Variants in PTPRO observed in about 807,000 individuals in gnomAD.
PTPRO encodes the protein receptor-type tyrosine-protein phosphatase O.
Under a neutral mutation model 145.2 loss-of-function variants are expected in PTPRO, and 62 were observed. That is an observed-to-expected ratio of 0.43 (90% CI 0.35 to 0.53). The LOEUF is 0.53. PTPRO is among the 20% of genes least tolerant of loss of function. The pLI is 0.01. For missense variants in PTPRO, 1,345 were observed against 1,482.7 expected (o/e 0.91, Z 1.53); for synonymous variants, 565 against 514.7 (o/e 1.10, Z -1.32).
intron 1 of PTPRO, among the ~76,000 whole-genome samples, chr12:15,362,091 C>T (rs1437606823): frequency 4.6e-5 from 7 of 152,244 alleles, no homozygotes; most frequent in Admixed American, 6.5e-5. Context: ...CAAACTCCTC[C>T]GGTATTGCAT....
rs369279574 is a variant in PTPRO at position 15,503,881 on chromosome 12, A to G, written c.1106-27A>G. The G allele has an allele frequency of 7.8e-6, 12 of 1,535,242 alleles. No homozygotes were observed. In the African/African-American group the frequency reaches 1.4e-4, roughly 18 times the overall value. On this transcript the variant is annotated intron_variant, in intron 5 of 26. Transcript: ENST00000281171. ...GGCCTTTCCAGGTGTCTATTCATGT[A>G]TCTTCTCTTTTTTATATATGATTTA...
intron 1 of PTPRO, among the ~76,000 whole-genome samples, chr12:15,458,497 A>G (rs1195887166): frequency 1.3e-5 from 2 of 151,884 alleles, no homozygotes; most frequent in East Asian, 1.9e-4. Flanking sequence ...ATGGTGCCCT[A>G]TAAGTCCCTT....
At position 15,388,035 on chromosome 12, in the gene PTPRO, T is replaced by C. The variant is rs560081641; in HGVS notation, c.75+65234T>C. ...GAAAGTAAAAAGAGATCCACCTAGT[T>C]ATAAACAATGCTCATTATAGAACAA... On this transcript the variant is annotated intron_variant, in intron 1 of 26. Transcript: ENST00000281171. 2.0e-5 allele frequency among the ~76,000 whole-genome samples: 3 copies of C among 152,266 alleles called. No homozygotes were observed. The East Asian group carries it at 5.8e-4, about 29-fold the overall frequency.
At chr12:15,393,967 C>T (rs1021356567) in intron 1 of PTPRO, among the ~76,000 whole-genome samples, 3 of 152,114 alleles carry the variant, frequency 2.0e-5, no homozygotes, top group African/African-American at 7.2e-5. Context: ...GAAAGAGGGC[C>T]TATCTGGCTT....
At chr12:15,498,277 G>A (rs1942148413) in intron 3 of PTPRO, among the ~76,000 whole-genome samples, 1 of 152,190 alleles carries the variant, frequency 6.6e-6, no homozygotes, top group Non-Finnish European at 1.5e-5. Flanking sequence ...CAGTGGGGCT[G>A]GGAGTGGTGG....
chr12:15,439,790 G>T, intron 1 of PTPRO: 9 of 609,614 alleles, frequency 1.5e-5, no homozygotes, highest in Non-Finnish European at 2.5e-5. Context: ...GCCCATCAAA[G>T]AATCAGATAT....
At chr12:15,369,162 T>A (rs1165940773) in intron 1 of PTPRO, among the ~76,000 whole-genome samples, 3 of 151,758 alleles carry the variant, frequency 2.0e-5, no homozygotes, top group African/African-American at 4.8e-5. Flanking sequence ...AACTAAAATT[T>A]AAAAAAAACG....
At chr12:15,384,657 T>G (rs1350277473) in intron 1 of PTPRO, among the ~76,000 whole-genome samples, 4 of 152,188 alleles carry the variant, frequency 2.6e-5, no homozygotes, top group African/African-American at 9.6e-5. Context: ...GCCGTTACAT[T>G]GGGGGTTAGG....
intron 2 of PTPRO, among the ~76,000 whole-genome samples, chr12:15,493,900 A>G (rs1942049866): frequency 6.6e-6 from 1 of 152,196 alleles, no homozygotes; most frequent in African/African-American, 2.4e-5. Flanking sequence ...TATATTGTGT[A>G]GGTTATATAG....
chr12:15,419,735 GT>G (rs71042248), intron 1 of PTPRO, among the ~76,000 whole-genome samples: 21 of 148,606 alleles, frequency 1.4e-4, no homozygotes, highest in Middle Eastern at 7.0e-3. Flanking sequence ...GTTCTTTGGT[GT>G]TTTTTTTTTC....
intron 1 of PTPRO, among the ~76,000 whole-genome samples, chr12:15,357,690 C>T (rs1261588328): frequency 2.0e-5 from 3 of 151,460 alleles, no homozygotes; most frequent in East Asian, 3.9e-4. Context: ...AGTGAGATAC[C>T]ATCTCACACC....
At chr12:15,474,098 T>C (rs1266456470) in intron 1 of PTPRO, among the ~76,000 whole-genome samples, 3 of 152,116 alleles carry the variant, frequency 2.0e-5, no homozygotes, top group Admixed American at 6.6e-5. Context: ...AGATAATAAC[T>C]CTTGTTTCTA....
intron 4 of PTPRO, among the ~76,000 whole-genome samples, chr12:15,500,709 G>A (rs1000009567): frequency 1.3e-5 from 2 of 152,212 alleles, no homozygotes; most frequent in African/African-American, 2.4e-5. Context: ...ATCACCTGAG[G>A]TCAGGAGTTT....
At chr12:15,583,947 G>A (rs943621114) in intron 23 of PTPRO, among the ~76,000 whole-genome samples, 1 of 152,198 alleles carries the variant, frequency 6.6e-6, no homozygotes, top group African/African-American at 2.4e-5. Flanking sequence ...GTGTTGTTTC[G>A]GTCATTTAAA....
intron 1 of PTPRO, among the ~76,000 whole-genome samples, chr12:15,467,562 T>C (rs1389218568): frequency 6.6e-6 from 1 of 152,054 alleles, no homozygotes; most frequent in Non-Finnish European, 1.5e-5. Flanking sequence ...ATCATTTCTC[T>C]CCTAACTAAT....
At chr12:15,520,366 T>C in intron 10 of PTPRO, 54 bp downstream of exon 10, 1 of 1,362,962 alleles carries the variant, frequency 7.3e-7, no homozygotes. Context: ...TTGTGAGGAG[T>C]TACCAAGGTT....
intron 17 of PTPRO, among the ~76,000 whole-genome samples, chr12:15,564,107 T>C (rs748779279): frequency 1.3e-5 from 2 of 152,170 alleles, no homozygotes; most frequent in Non-Finnish European, 2.9e-5. Flanking sequence ...AAAACTGGAC[T>C]GATTTTTCCC....
intron 12 of PTPRO, among the ~76,000 whole-genome samples, chr12:15,527,796 A>T (rs139405277): frequency 9.8e-5 from 15 of 152,344 alleles, no homozygotes; most frequent in African/African-American, 3.6e-4. Context: ...GACAAAGGAA[A>T]GTGGACTAAA....
At chr12:15,429,675 G>T (rs916222774) in intron 1 of PTPRO, among the ~76,000 whole-genome samples, 2 of 152,270 alleles carry the variant, frequency 1.3e-5, no homozygotes, top group Non-Finnish European at 2.9e-5. Context: ...GCCACATACA[G>T]TTATTTGTGT....
Sources: allele counts gnomAD v4.1 joint callset (sites outside exome capture counted in the v4.1 genomes callset), GRCh38; gene constraint gnomAD v4.1.1; transcripts MANE v1.5; gene names NCBI Gene and HGNC (gene_info 2026-07-23, HGNC 2026-07-21).